Variants in TMCO5A observed in about 807,000 individuals in gnomAD.
The protein encoded by TMCO5A is transmembrane and coiled-coil domain-containing protein 5A.
In TMCO5A, 34 loss-of-function variants were observed where a neutral mutation model predicts 42.3. The ratio of observed to expected loss-of-function variants is 0.80; its 90% CI spans 0.61 to 1.07. TMCO5A has a LOEUF of 1.07. Ranked by LOEUF, TMCO5A falls within the 50% of genes least tolerant of loss-of-function variation. The pLI is 0.00. For missense variants in TMCO5A, 357 were observed against 327.9 expected (o/e 1.09, Z -0.69); for synonymous variants, 131 against 115.6 (o/e 1.13, Z -0.86).
the TMCO5A span, among the ~76,000 whole-genome samples, chr15:38,031,928 G>A: frequency 6.6e-6 from 1 of 150,448 alleles, no homozygotes; most frequent in Admixed American, 6.6e-5. Flanking sequence ...CTCACATGCT[G>A]TTTCTTTGCC....
chr15:38,023,032 C>G, the TMCO5A span, among the ~76,000 whole-genome samples: 2 of 151,958 alleles, frequency 1.3e-5, no homozygotes, highest in Non-Finnish European at 2.9e-5. Context: ...AATAAAAATC[C>G]CAGTGGCTTT....
At chr15:38,023,623 A>G in the TMCO5A span, among the ~76,000 whole-genome samples, 1 of 152,196 alleles carries the variant, frequency 6.6e-6, no homozygotes, top group African/African-American at 2.4e-5. Context: ...GTGGAGAGGA[A>G]TTAGGTCCCA....
intron 5 of TMCO5A, 56 bp downstream of exon 5, chr15:37,937,452 G>A: frequency 3.8e-6 from 6 of 1,589,644 alleles, no homozygotes; most frequent in Non-Finnish European, 5.2e-6. Flanking sequence ...ATTCATCAAA[G>A]GGGCAAGGTT....
the TMCO5A span, among the ~76,000 whole-genome samples, chr15:37,992,740 G>GT: frequency 5.3e-5 from 8 of 152,104 alleles, no homozygotes; most frequent in South Asian, 1.0e-3. Context: ...GCAAATTAAC[G>GT]TAAGAACAGA....
chr15:37,984,806 T>C, the TMCO5A span: 8,536 of 148,502 alleles, frequency 0.057, 305 homozygotes, highest in East Asian at 0.13. Flanking sequence ...TGCCAGCACA[T>C]TGATCTTGGA....
At chr15:37,995,805 T>G in the TMCO5A span, among the ~76,000 whole-genome samples, 3 of 151,396 alleles carry the variant, frequency 2.0e-5, no homozygotes, top group African/African-American at 7.3e-5. Context: ...AAATTGCGTT[T>G]CCAGAGGTAT....
the TMCO5A span, among the ~76,000 whole-genome samples, chr15:37,973,500 T>C: frequency 6.6e-6 from 1 of 152,186 alleles, no homozygotes; most frequent in Non-Finnish European, 1.5e-5. Flanking sequence ...CCTCCTTGGT[T>C]AGCTGTATTC....
chr15:37,967,026 A>G (rs1890574793), exon 12 of TMCO5A: 1 of 217,254 alleles, frequency 4.6e-6, no homozygotes, highest in Admixed American at 5.3e-5. Context: ...GTGTCTTCCT[A>G]TAAGCAAAAA....
At position 37,936,832 on chromosome 15, in the gene TMCO5A, G is replaced by A; in HGVS notation, c.141-15G>A. 1 of 1,610,644 alleles carries A rather than the reference G, an allele frequency of 6.2e-7. No individual in the cohort carries two copies. The highest frequency in any genetic ancestry group is 2.2e-5 in the East Asian group (1 of 44,674). ...CCAAGCATGGGTCCTCATGGCATGTGCTTGTGTTGTCCAGGCTGGAAAGTG... is the reference window on the plus strand; with the variant it reads ...CCAAGCATGGGTCCTCATGGCATGTACTTGTGTTGTCCAGGCTGGAAAGTG... On this transcript the variant is annotated splice_polypyrimidine_tract_variant and intron_variant, in intron 3 of 11. Transcript: ENST00000319669.
chr15:38,029,345 CAAACAT>C, the TMCO5A span, among the ~76,000 whole-genome samples: 1 of 71,754 alleles, frequency 1.4e-5, no homozygotes, highest in Non-Finnish European at 3.5e-5. Flanking sequence ...CATGTTCACA[CAAACAT>C]GTGTGCATGA....
the TMCO5A span, among the ~76,000 whole-genome samples, chr15:38,019,251 T>A: frequency 1.3e-5 from 2 of 152,148 alleles, no homozygotes; most frequent in African/African-American, 4.8e-5. Context: ...AGGAAAAAGA[T>A]GACTAAAATA....
At chr15:37,962,649 C>T (rs1042717150) in intron 11 of TMCO5A, among the ~76,000 whole-genome samples, 3 of 151,984 alleles carry the variant, frequency 2.0e-5, no homozygotes, top group African/African-American at 4.8e-5. Flanking sequence ...TAGAATTCTT[C>T]TGTGAATCCA....
the TMCO5A span, among the ~76,000 whole-genome samples, chr15:37,998,505 CTG>C: frequency 3.9e-4 from 60 of 152,216 alleles, no homozygotes; most frequent in African/African-American, 1.3e-3. Flanking sequence ...AATGAGTTCA[CTG>C]TAGAGGTATG....
chr15:37,966,948 A>G, exon 12 of TMCO5A: 1 of 414,954 alleles, frequency 2.4e-6, no homozygotes, highest in Non-Finnish European at 4.3e-6. Flanking sequence ...AAAGGGGCTC[A>G]GTGCCTATGG....
the TMCO5A span, among the ~76,000 whole-genome samples, chr15:37,980,681 T>G: frequency 9.0e-5 from 13 of 144,442 alleles, no homozygotes; most frequent in African/African-American, 3.3e-4. Context: ...TCTTTCTTTC[T>G]ACACTGAATG....
At chr15:37,947,225 A>AT (rs1360618672) in intron 10 of TMCO5A, among the ~76,000 whole-genome samples, 16 of 151,878 alleles carry the variant, frequency 1.1e-4, no homozygotes, top group Admixed American at 2.0e-4. Flanking sequence ...TCATCTTTAG[A>AT]TTTTTTATAG....
At chr15:37,993,277 T>C in the TMCO5A span, 1 of 152,132 alleles carries the variant, frequency 6.6e-6, no homozygotes, top group Non-Finnish European at 1.5e-5. Context: ...TTTAATATGC[T>C]TGGTGATGTT....
chr15:37,977,636 TC>T, the TMCO5A span, among the ~76,000 whole-genome samples: 1 of 152,316 alleles, frequency 6.6e-6, no homozygotes, highest in African/African-American at 2.4e-5. Context: ...TGGACTCCTC[TC>T]CCACTCAAGT....
At chr15:37,981,870 T>G in the TMCO5A span, among the ~76,000 whole-genome samples, 91 of 152,322 alleles carry the variant, frequency 6.0e-4, no homozygotes, top group Non-Finnish European at 1.1e-3. Flanking sequence ...TGCCAGCAGC[T>G]GGCCTTCCCA....
Sources: gnomAD v4.1 joint callset for allele counts (sites outside exome capture counted in the v4.1 genomes callset) on GRCh38, gnomAD v4.1.1 for gene constraint, MANE v1.5 for transcripts, NCBI Gene and HGNC (gene_info 2026-07-23, HGNC 2026-07-21) for gene names.